Variants in SBF2 observed in about 807,000 individuals in gnomAD.
SBF2 encodes SET binding factor 2.
Under a neutral mutation model 225.2 loss-of-function variants are expected in SBF2, and 112 were observed. That is an observed-to-expected ratio of 0.50 (90% CI 0.43 to 0.58). The LOEUF is 0.58. Ranked by LOEUF, SBF2 falls within the 20% of genes least tolerant of loss-of-function variation. The probability of loss-of-function intolerance (pLI) is 0.00; values close to 1 mark genes in which losing one functional copy is unlikely to be tolerated. For missense variants in SBF2, 1,996 were observed against 2,206.2 expected, an observed-to-expected ratio of 0.90 and a Z score of 1.91; for synonymous variants, 763 against 773.3, an observed-to-expected ratio of 0.99 and a Z score of 0.22.
chr11:9,967,202 T>C (rs954595948), intron 14 of SBF2, among the ~76,000 whole-genome samples: 2 of 151,970 alleles, frequency 1.3e-5, no homozygotes, highest in Admixed American at 1.3e-4. Flanking sequence ...AAACCCCGTC[T>C]CTACTAAAAA....
intron 1 of SBF2, among the ~76,000 whole-genome samples, chr11:10,263,217 G>C (rs1005062425): frequency 2.6e-5 from 4 of 151,678 alleles, no homozygotes; most frequent in African/African-American, 9.7e-5. Context: ...CAACATTTCA[G>C]ACAAAAGAAA....
chr11:9,958,547 A>T lies in SBF2; in HGVS notation c.1860+3410T>A, dbSNP rs1384024363. The T allele has an allele frequency of 2.4e-5, 4 of 167,658 alleles. No individual in the cohort carries two copies. In the South Asian group the frequency reaches 6.3e-4, roughly 26 times the overall value. The allele number at this position is 167,658 out of a possible 1,614,324, so 10.4% of individuals were successfully genotyped here. A position where few individuals can be genotyped will look rare whatever the true frequency, so the allele number is the denominator to read the frequency against. On this transcript the variant is annotated intron_variant, in intron 16 of 39. Transcript: ENST00000256190. ...CTAATTTTTTGTATTTTTAGTAGAG[A>T]CGGGGTTTCACCGTGTTAGCCAGGA...
chr11:9,886,495 C>G (rs1249188282), intron 17 of SBF2, among the ~76,000 whole-genome samples: 1 of 152,088 alleles, frequency 6.6e-6, no homozygotes, highest in African/African-American at 2.4e-5. Context: ...TCCTTGTTTT[C>G]TGGACAGATC....
intron 2 of SBF2, among the ~76,000 whole-genome samples, chr11:10,180,519 T>A (rs1443767134): frequency 6.6e-6 from 1 of 152,188 alleles, no homozygotes. Flanking sequence ...CCTTGACCTT[T>A]GGGAGTTTGA....
Position 10,182,300 on chromosome 11 carries a change from C to T in SBF2, c.141+11602G>A, listed in dbSNP as rs376262953. 2.0e-5 allele frequency among the ~76,000 whole-genome samples: 3 copies of T among 152,238 alleles called. No individual in the cohort carries two copies. In the South Asian group the frequency reaches 6.2e-4, roughly 32 times the overall value. ...AAAGTAGACCTAGAGAGATGACCTA[C>T]AGGAATGACCTAGAGAGATGGTGTT... On this transcript the variant is annotated intron_variant, in intron 2 of 39. Transcript: ENST00000256190.
At chr11:9,917,489 G>A (rs1025354381) in intron 16 of SBF2, among the ~76,000 whole-genome samples, 4 of 151,264 alleles carry the variant, frequency 2.6e-5, no homozygotes, top group African/African-American at 9.8e-5. Flanking sequence ...ACACCACCAG[G>A]CCCAGCTAAT....
chr11:10,084,091 A>G (rs555725984), intron 2 of SBF2, among the ~76,000 whole-genome samples: 1 of 152,358 alleles, frequency 6.6e-6, no homozygotes, highest in South Asian at 2.1e-4. Flanking sequence ...AAATGTTTGC[A>G]AAGTATCTAT....
chr11:10,179,366 C>T (rs185712874), intron 2 of SBF2, among the ~76,000 whole-genome samples: 10 of 119,424 alleles, frequency 8.4e-5, no homozygotes, highest in Admixed American at 1.6e-4. Context: ...AAAAAACAAA[C>T]AAAAAACAAA....
At chr11:10,163,501 A>G (rs1955837258) in intron 2 of SBF2, among the ~76,000 whole-genome samples, 1 of 152,160 alleles carries the variant, frequency 6.6e-6, no homozygotes, top group Non-Finnish European at 1.5e-5. Context: ...AAGAGTAGCA[A>G]CAGATTTTAC....
intron 13 of SBF2, among the ~76,000 whole-genome samples, chr11:9,968,824 T>C (rs964508680): frequency 2.0e-5 from 3 of 152,154 alleles, no homozygotes; most frequent in Non-Finnish European, 4.4e-5. Flanking sequence ...ATCTCCCTAA[T>C]CCCTTAACAA....
chr11:9,882,022 T>C (rs558620645), intron 17 of SBF2, among the ~76,000 whole-genome samples: 1 of 152,252 alleles, frequency 6.6e-6, no homozygotes, highest in Non-Finnish European at 1.5e-5. Context: ...ATGTGTTGTT[T>C]TTCCACAGCT....
intron 2 of SBF2, among the ~76,000 whole-genome samples, chr11:10,117,908 C>T (rs1953234113): frequency 1.3e-5 from 2 of 151,884 alleles, no homozygotes; most frequent in African/African-American, 4.8e-5. Flanking sequence ...TACTTTTGGT[C>T]AAAAGTTCTT....
At chr11:10,173,575 G>A (rs546833866) in intron 2 of SBF2, among the ~76,000 whole-genome samples, 1 of 152,332 alleles carries the variant, frequency 6.6e-6, no homozygotes, top group South Asian at 2.1e-4. Context: ...GCGGCAGCGA[G>A]GCTGGGGGAG....
intron 16 of SBF2, among the ~76,000 whole-genome samples, chr11:9,912,208 G>A (rs935207075): frequency 1.3e-5 from 2 of 149,474 alleles, no homozygotes; most frequent in African/African-American, 2.5e-5. Flanking sequence ...TCAGCTACTC[G>A]GGAGGCTGAG....
intron 1 of SBF2, among the ~76,000 whole-genome samples, chr11:10,270,994 CAAAAAAAAA>C (rs1180184303): frequency 2.2e-4 from 6 of 27,690 alleles, no homozygotes; most frequent in South Asian, 1.4e-3. Flanking sequence ...GACTCTGTCT[CAAAAAAAAA>C]AAAAAAAAAA....
intron 8 of SBF2, among the ~76,000 whole-genome samples, chr11:9,999,308 TG>T (rs1416006712): frequency 2.2e-4 from 34 of 151,144 alleles, no homozygotes; most frequent in Non-Finnish European, 3.7e-4. Context: ...TATGTATGTA[TG>T]TATGTATGTA....
chr11:9,932,994 T>G (rs2134265353), intron 16 of SBF2, among the ~76,000 whole-genome samples: 1 of 138,426 alleles, frequency 7.2e-6, no homozygotes, highest in African/African-American at 2.8e-5. Flanking sequence ...AAAACAGGTG[T>G]TGCAATCCTC....
In SBF2 at chr11:9,882,816, A is replaced by C. The variant is rs1450348877; in HGVS notation, c.1929+13127T>G. Among the ~76,000 whole-genome samples the C allele has an allele frequency of 4.6e-5, 7 of 150,880 alleles. No homozygotes were observed. The East Asian group carries it at 1.4e-3, about 29-fold the overall frequency. On this transcript the variant is annotated intron_variant, in intron 17 of 39. Coordinates refer to ENST00000256190, the MANE Select transcript of SBF2 (RefSeq NM_030962.4). Reference sequence around the variant, plus strand: ...GAGTCAAAAAAAAAAAAAAAAAAAAAAAAACCACCAAAAAAAACCCATTAT... The same window carrying C: ...GAGTCAAAAAAAAAAAAAAAAAAAACAAAACCACCAAAAAAAACCCATTAT...
rs1292638167 is a variant in SBF2, at chr11:9,808,830, T to A, written c.4257+71A>T. On this transcript the variant is annotated intron_variant, in intron 31 of 39. Transcript: ENST00000256190. ...CATTAGTCATTATACAAAAGAGTCA[T>A]CTGAAGAATTTAAAAATGACCAAAT... 48 of 1,116,416 alleles carry A rather than the reference T, an allele frequency of 4.3e-5. No homozygotes were observed. In the Admixed American group the frequency reaches 8.5e-4, roughly 20 times the overall value. 69.2% of individuals were successfully genotyped at this position (1,116,416 alleles called of 1,614,324 possible).
Sources: allele counts gnomAD v4.1 joint callset (sites outside exome capture counted in the v4.1 genomes callset), GRCh38; gene constraint gnomAD v4.1.1; transcripts MANE v1.5; gene names NCBI Gene and HGNC (gene_info 2026-07-23, HGNC 2026-07-21).